Variants in PAK5 observed in about 807,000 individuals in gnomAD.
PAK5 encodes serine/threonine-protein kinase PAK 5.
Under a neutral mutation model 65.9 loss-of-function variants are expected in PAK5, and 16 were observed. The ratio of observed to expected loss-of-function variants is 0.24; its 90% confidence interval spans 0.16 to 0.37. The LOEUF is 0.37. Ranked by LOEUF, PAK5 falls within the 10% of genes least tolerant of loss-of-function variation. The probability of loss-of-function intolerance (pLI) is 1.00; values close to 1 mark genes in which losing one functional copy is unlikely to be tolerated. For missense variants in PAK5, 785 were observed against 903.9 expected (o/e 0.87, Z 1.69); for synonymous variants, 371 against 354.9 (o/e 1.05, Z -0.51).
chr20:9,597,346 C>T (rs143561417), intron 3 of PAK5, among the ~76,000 whole-genome samples: 26 of 152,310 alleles, frequency 1.7e-4, no homozygotes, highest in African/African-American at 5.8e-4. Context: ...TAGGTGCTTA[C>T]CTACTGGGAG....
chr20:9,764,961 A>T (rs1206830724), intron 1 of PAK5, among the ~76,000 whole-genome samples: 1 of 152,096 alleles, frequency 6.6e-6, no homozygotes, highest in Non-Finnish European at 1.5e-5. Flanking sequence ...GTTGGGAGGG[A>T]CCCAGTACCT....
intron 3 of PAK5, among the ~76,000 whole-genome samples, chr20:9,605,654 C>G (rs1159385119): frequency 6.6e-6 from 1 of 152,148 alleles, no homozygotes; most frequent in East Asian, 1.9e-4. Flanking sequence ...AATTGCCAGG[C>G]AAGGTGACTC....
At chr20:9,779,347 G>C (rs2048917576) in intron 1 of PAK5, among the ~76,000 whole-genome samples, 1 of 112,544 alleles carries the variant, frequency 8.9e-6, no homozygotes, top group Non-Finnish European at 1.9e-5. Flanking sequence ...ATGGACATTT[G>C]TCTAATATAT....
intron 9 of PAK5, 59 bp from the exon 10 acceptor site, chr20:9,539,676 A>G: frequency 7.0e-7 from 1 of 1,436,374 alleles, no homozygotes; most frequent in Non-Finnish European, 9.7e-7. Flanking sequence ...CCCAGTCCCC[A>G]AAATGTTTTC....
chr20:9,724,173 G>A (rs1037268131), intron 1 of PAK5, among the ~76,000 whole-genome samples: 7 of 152,126 alleles, frequency 4.6e-5, no homozygotes, highest in African/African-American at 1.7e-4. Context: ...GGCCCAGCTT[G>A]GCTGATCCAA....
intron 1 of PAK5, among the ~76,000 whole-genome samples, chr20:9,817,426 T>G (rs1015115584): frequency 3.3e-5 from 5 of 152,150 alleles, no homozygotes; most frequent in African/African-American, 1.2e-4. Context: ...ACACACACAA[T>G]AGTGATCTCT....
In PAK5 at chr20:9,580,195, T is replaced by A. The variant is rs2045952481; in HGVS notation, c.940A>T (p.Asn314Tyr). 1.2e-6 allele frequency: 2 copies of A among 1,613,970 alleles called. No individual in the cohort carries two copies. The highest frequency in any genetic ancestry group is 1.7e-6 in the Non-Finnish European group (2 of 1,179,986). ...FKTHPQGHSY[N>Y]SYTYPRLSEP... ...GACAAGCGAGGGTAGGTGTAGGAGT[T>A]GTAGGAGTGTCCTTGGGGATGGGTT... The change falls in exon 4 of 10, where the codon AAC becomes TAC. Residue 314 changes from asparagine (N) to tyrosine (Y), a missense_variant. Physicochemically the swap from Asn to Tyr is moderately radical, Grantham distance 143. Coordinates refer to ENST00000353224, the MANE Select transcript of PAK5 (RefSeq NM_177990.4).
At position 9,760,376 on chromosome 20, in the gene PAK5, A is replaced by G. The variant is rs184541001; in HGVS notation, c.-161-48941T>C. 6.8e-4 allele frequency among the ~76,000 whole-genome samples: 103 copies of G among 152,256 alleles called. 1 individual carries two copies. Among genetic ancestry groups the G allele is most frequent in the African/African-American group, 2.2e-3 (93 of 41,566 alleles). Reference sequence around the variant, plus strand: ...CTTGATCAACAATTCATTCTGGTTAACAGCCAAAAAATGGCTCTTGTTTTC... The same window carrying G: ...CTTGATCAACAATTCATTCTGGTTAGCAGCCAAAAAATGGCTCTTGTTTTC... On this transcript the variant is annotated intron_variant, in intron 1 of 9. Coordinates refer to ENST00000353224, the MANE Select transcript of PAK5 (RefSeq NM_177990.4).
intron 1 of PAK5, among the ~76,000 whole-genome samples, chr20:9,782,911 T>C (rs184679863): frequency 1.3e-5 from 2 of 150,674 alleles, no homozygotes; most frequent in Non-Finnish European, 2.9e-5. Flanking sequence ...TCTTTTCTTT[T>C]TTCTCTTTCT....
chr20:9,820,023 T>A (rs140109035), intron 1 of PAK5, among the ~76,000 whole-genome samples: 49 of 152,234 alleles, frequency 3.2e-4, no homozygotes, highest in African/African-American at 9.1e-4. Context: ...CAGGATAATG[T>A]TTTTGAGCTC....
chr20:9,566,337 C>A lies in PAK5; in HGVS notation c.1038G>T (p.Gly346=), dbSNP rs762679373. The A allele has an allele frequency of 1.5e-5, 25 of 1,612,956 alleles. No homozygotes were observed. The highest frequency in any genetic ancestry group is 2.0e-5 in the Non-Finnish European group (24 of 1,179,262). ...AQMVLSPPLS[G]SDTYPRGPAK... ...CAGGGCCCCTGGGGTAGGTGTCAGACCCTGACAGTGGAGGGCTGAGGACCA... is the reference window on the plus strand; with the variant it reads ...CAGGGCCCCTGGGGTAGGTGTCAGAACCTGACAGTGGAGGGCTGAGGACCA... The change falls in exon 5 of 10, where the codon GGG becomes GGT. Residue 346 remains glycine, a synonymous_variant. Transcript: ENST00000353224.
At chr20:9,757,888 C>T (rs76658918) in intron 1 of PAK5, among the ~76,000 whole-genome samples, 2,564 of 152,280 alleles carry the variant, frequency 0.017, 80 homozygotes, top group African/African-American at 0.058. Flanking sequence ...TCTCACACCA[C>T]GTAACCTGTC....
chr20:9,614,259 G>C (rs1202522454), intron 3 of PAK5, among the ~76,000 whole-genome samples: 1 of 152,190 alleles, frequency 6.6e-6, no homozygotes, highest in African/African-American at 2.4e-5. Context: ...AAGACTCTCT[G>C]AGGCTGAGGA....
intron 1 of PAK5, among the ~76,000 whole-genome samples, chr20:9,776,060 A>C (rs780588172): frequency 6.6e-6 from 1 of 152,232 alleles, no homozygotes; most frequent in Non-Finnish European, 1.5e-5. Context: ...AAAAAATCAG[A>C]GAAACTAGAA....
Position 9,537,907 on chromosome 20 carries a change from C to A in PAK5, c.*1555G>T, listed in dbSNP as rs1479464843. 8.7e-6 allele frequency: 2 copies of A among 229,404 alleles called. No homozygotes were observed. The highest frequency in any genetic ancestry group is 4.4e-5 in the African/African-American group (2 of 45,042). 14.2% of individuals were successfully genotyped at this position (229,404 alleles called of 1,614,324 possible). A position where few individuals can be genotyped will look rare whatever the true frequency, so the allele number is the denominator to read the frequency against. On this transcript the variant is annotated 3_prime_UTR_variant, in exon 10 of 10. Coordinates refer to ENST00000353224, the MANE Select transcript of PAK5 (RefSeq NM_177990.4). ...TTTAGCAGTGATAAATAATTAGCAA[C>A]CTATTAATTACAAAAATTCTTAATT...
rs116797852 is a variant in PAK5 at position 9,618,756 on chromosome 20, G to C, written c.204+25369C>G. Among the ~76,000 whole-genome samples the C allele has an allele frequency of 6.4e-3, 974 of 151,528 alleles. 12 individuals are homozygous for C. The highest frequency in any genetic ancestry group is 0.023 in the African/African-American group (945 of 41,288). On this transcript the variant is annotated intron_variant, in intron 3 of 9. Transcript: ENST00000353224. ...AATCATCAAATCTTTATTGAGCAGGGTGACAGGTACAGTTCTATAAGTACA... is the reference window on the plus strand; with the variant it reads ...AATCATCAAATCTTTATTGAGCAGGCTGACAGGTACAGTTCTATAAGTACA...
At chr20:9,784,662 G>A (rs1412455902) in intron 1 of PAK5, among the ~76,000 whole-genome samples, 3 of 50,240 alleles carry the variant, frequency 6.0e-5, no homozygotes, top group African/African-American at 1.8e-4. Context: ...TGAGATCCAA[G>A]CCTCAAATTT....
At chr20:9,573,504 T>A (rs957592190) in intron 4 of PAK5, among the ~76,000 whole-genome samples, 2 of 152,224 alleles carry the variant, frequency 1.3e-5, no homozygotes, top group Non-Finnish European at 2.9e-5. Context: ...CCCTGATCCA[T>A]GTTAGTTAAA....
intron 3 of PAK5, among the ~76,000 whole-genome samples, chr20:9,628,395 GT>G (rs770481686): frequency 4.6e-5 from 7 of 152,102 alleles, no homozygotes; most frequent in Non-Finnish European, 5.9e-5. Flanking sequence ...GTTACTATTT[GT>G]TTACATAGGG....
Sources: gnomAD v4.1 joint callset for allele counts (sites outside exome capture counted in the v4.1 genomes callset) on GRCh38, gnomAD v4.1.1 for gene constraint, MANE v1.5 for transcripts, NCBI Gene and HGNC (gene_info 2026-07-23, HGNC 2026-07-21) for gene names.